GLIS3: variants seen among roughly 807,000 people sequenced by gnomAD.
The protein encoded by GLIS3 is zinc finger protein GLIS3.
In GLIS3, 53 loss-of-function variants were observed where a neutral mutation model predicts 78.6. The ratio of observed to expected loss-of-function variants is 0.67; its 90% CI spans 0.54 to 0.85. The LOEUF is 0.85. Ranked by LOEUF, GLIS3 falls within the 40% of genes least tolerant of loss-of-function variation. The pLI is 0.00. For missense variants in GLIS3, 1,703 were observed against 1,231.1 expected, an observed-to-expected ratio of 1.38 and a Z score of -5.74; for synonymous variants, 684 against 509.9, an observed-to-expected ratio of 1.34 and a Z score of -4.60.
At chr9:4,243,365 T>G (rs1188903379) in intron 2 of GLIS3, among the ~76,000 whole-genome samples, 3 of 146,808 alleles carry the variant, frequency 2.0e-5, no homozygotes, top group Admixed American at 1.4e-4. Flanking sequence ...AGACAGAACC[T>G]CCATATACAT....
intron 2 of GLIS3, among the ~76,000 whole-genome samples, chr9:4,319,984 TGTGTGTGTGTGTGTGTGTG>T (rs757136337): frequency 4.7e-4 from 2 of 4,258 alleles, no homozygotes; most frequent in Admixed American, 1.6e-3. Context: ...TAGAGGGGGT[TGTGTGTGTGTGTGTGTGTG>T]TGTGTGTGTG....
At chr9:4,129,673 C>T (rs983446226) in intron 2 of GLIS3, among the ~76,000 whole-genome samples, 7 of 152,146 alleles carry the variant, frequency 4.6e-5, no homozygotes, top group African/African-American at 1.7e-4. Context: ...TCTGCAGAAC[C>T]ATGAGCCAAT....
chr9:4,489,065 C>T, the GLIS3 span, among the ~76,000 whole-genome samples: 7 of 152,188 alleles, frequency 4.6e-5, no homozygotes, highest in East Asian at 1.4e-3. Context: ...GACGGGGTTT[C>T]ACTGTGTTAG....
chr9:4,200,544 C>A (rs111658781), intron 2 of GLIS3, among the ~76,000 whole-genome samples: 1 of 152,074 alleles, frequency 6.6e-6, no homozygotes, highest in Non-Finnish European at 1.5e-5. Flanking sequence ...TGCACACGAA[C>A]TAGAAAGTCT....
chr9:3,993,047 C>G (rs921900495), intron 4 of GLIS3, among the ~76,000 whole-genome samples: 1 of 152,122 alleles, frequency 6.6e-6, no homozygotes, highest in African/African-American at 2.4e-5. Flanking sequence ...ACACGTGAGC[C>G]AGATGTTGGG....
chr9:3,897,658 C>G (rs1240581664), intron 7 of GLIS3, among the ~76,000 whole-genome samples: 1 of 152,134 alleles, frequency 6.6e-6, no homozygotes, highest in Non-Finnish European at 1.5e-5. Flanking sequence ...TGATTAAGGC[C>G]CAGTTTTGAT....
Position 4,285,015 on chromosome 9 carries a change from C to T in GLIS3, c.388+1023G>A, listed in dbSNP as rs117233475. Reference sequence around the variant, plus strand: ...CAATTTATCCAAACACAGAAATACACAGACTCTAAAACAACTTTTTGGCTA... The same window carrying T: ...CAATTTATCCAAACACAGAAATACATAGACTCTAAAACAACTTTTTGGCTA... On this transcript the variant is annotated intron_variant, in intron 2 of 10. Transcript: ENST00000381971. Among the ~76,000 whole-genome samples, 1,308 of 152,258 alleles carry T rather than the reference C, an allele frequency of 8.6e-3. 11 individuals are homozygous for T. The highest frequency in any genetic ancestry group is 0.039 in the South Asian group (188 of 4,824).
chr9:4,210,414 G>A (rs1275121299), intron 2 of GLIS3, among the ~76,000 whole-genome samples: 2 of 152,122 alleles, frequency 1.3e-5, no homozygotes, highest in Non-Finnish European at 2.9e-5. Flanking sequence ...CATTATCTGG[G>A]AAAGCATTTG....
intron 6 of GLIS3, among the ~76,000 whole-genome samples, chr9:3,908,702 ATTTGT>A (rs1554644770): frequency 3.4e-5 from 1 of 29,088 alleles, no homozygotes; most frequent in Admixed American, 3.9e-4. Flanking sequence ...TGTGATTTGT[ATTTGT>A]TTTTTTTTTT....
At chr9:3,958,039 G>A (rs1817267303) in intron 4 of GLIS3, among the ~76,000 whole-genome samples, 1 of 152,198 alleles carries the variant, frequency 6.6e-6, no homozygotes, top group South Asian at 2.1e-4. Flanking sequence ...GTAATGGAAA[G>A]CTGTGGCTCC....
chr9:4,236,184 C>CAAAAAAAAAAAAAAAAAAAAAAAA (rs59839951), intron 2 of GLIS3, among the ~76,000 whole-genome samples: 3 of 84,304 alleles, frequency 3.6e-5, no homozygotes, highest in Non-Finnish European at 6.8e-5. Flanking sequence ...GTGGTTGTCA[C>CAAAAAAAAAAAAAAAAAAAAAAAA]AAAAAAAAAA....
At chr9:4,074,409 T>C (rs747443404) in intron 4 of GLIS3, among the ~76,000 whole-genome samples, 100 of 152,188 alleles carry the variant, frequency 6.6e-4, no homozygotes, top group Non-Finnish European at 1.8e-4. Context: ...CTACTCCTCC[T>C]GTTAGTAATT....
At chr9:4,008,085 A>G (rs975980609) in intron 4 of GLIS3, among the ~76,000 whole-genome samples, 2 of 152,186 alleles carry the variant, frequency 1.3e-5, no homozygotes, top group African/African-American at 4.8e-5. Context: ...TTCTATCTAA[A>G]CTTATCTAAC....
intron 4 of GLIS3, among the ~76,000 whole-genome samples, chr9:4,037,797 T>C (rs768504210): frequency 6.6e-6 from 1 of 152,210 alleles, no homozygotes. Flanking sequence ...CAAGAGTTGC[T>C]TATGAAATGT....
At chr9:4,412,711 C>A in the GLIS3 span, among the ~76,000 whole-genome samples, 80 of 152,262 alleles carry the variant, frequency 5.3e-4, 2 homozygotes, top group East Asian at 0.014. Flanking sequence ...GGGCCAGTAA[C>A]TAGTCTACAT....
intron 2 of GLIS3, among the ~76,000 whole-genome samples, chr9:4,334,056 A>C (rs867663600): frequency 6.6e-6 from 1 of 152,202 alleles, no homozygotes; most frequent in African/African-American, 2.4e-5. Context: ...ACAATACTCT[A>C]GTCTCATAAT....
At chr9:3,973,936 C>T (rs1818570247) in intron 4 of GLIS3, among the ~76,000 whole-genome samples, 1 of 152,070 alleles carries the variant, frequency 6.6e-6, no homozygotes, top group Non-Finnish European at 1.5e-5. Context: ...TAATCTCAAG[C>T]CTCACAGATC....
At chr9:4,216,083 T>C (rs1002061744) in intron 2 of GLIS3, among the ~76,000 whole-genome samples, 1 of 152,118 alleles carries the variant, frequency 6.6e-6, no homozygotes, top group Non-Finnish European at 1.5e-5. Context: ...TCAGAGAAGA[T>C]TGTTTAAAAA....
intron 4 of GLIS3, among the ~76,000 whole-genome samples, chr9:4,045,640 C>T (rs1348386160): frequency 6.6e-6 from 1 of 152,014 alleles, no homozygotes; most frequent in African/African-American, 2.4e-5. Context: ...CCCAGCTGAA[C>T]TTTTCTTTTG....
Sources: allele counts gnomAD v4.1 joint callset (sites outside exome capture counted in the v4.1 genomes callset), GRCh38; gene constraint gnomAD v4.1.1; transcripts MANE v1.5; gene names NCBI Gene and HGNC (gene_info 2026-07-23, HGNC 2026-07-21).